TMEM164: variants seen among roughly 807,000 people sequenced by gnomAD.
The protein encoded by TMEM164 is transmembrane protein 164.
TMEM164 carries 4 observed loss-of-function variants against 18.8 expected under a neutral mutation model. The observed-to-expected ratio is 0.21, with a 90% CI of 0.10 to 0.49. TMEM164 has a LOEUF of 0.49. TMEM164 is among the 20% of genes least tolerant of loss of function. The pLI, the probability that TMEM164 is intolerant of heterozygous loss-of-function variation, is 0.98. For missense variants in TMEM164, 108 were observed against 239.9 expected (o/e 0.45, Z 3.63); for synonymous variants, 86 against 101.7 (o/e 0.85, Z 0.93).
chrX:110,117,712 A>G (rs1470910153), intron 4 of TMEM164, among the ~76,000 whole-genome samples: 1 of 112,453 alleles, frequency 8.9e-6, no homozygotes, highest in Non-Finnish European at 1.9e-5. Flanking sequence ...TTGAAAAGTA[A>G]CTCAGAGGAC....
chrX:110,137,478 C>T (rs1217384932), intron 4 of TMEM164, among the ~76,000 whole-genome samples: 1 of 112,241 alleles, frequency 8.9e-6, no homozygotes, highest in African/African-American at 3.2e-5. Flanking sequence ...CCCATCCTCT[C>T]TTCTCTCGCT....
At chrX:110,007,246 AT>A (rs766881986) in intron 2 of TMEM164, among the ~76,000 whole-genome samples, 2 of 112,190 alleles carry the variant, frequency 1.8e-5, no homozygotes, top group Non-Finnish European at 3.8e-5. Context: ...TTATTGATTA[AT>A]ATTCGTCCTG....
At chrX:110,115,442 T>C (rs994455261) in intron 4 of TMEM164, among the ~76,000 whole-genome samples, 1 of 112,142 alleles carries the variant, frequency 8.9e-6, no homozygotes, top group Non-Finnish European at 1.9e-5. Flanking sequence ...AGTATGTTTC[T>C]GATCAGATGA....
chrX:110,166,193 A>T (rs2067156800), intron 5 of TMEM164, among the ~76,000 whole-genome samples: 1 of 111,031 alleles, frequency 9.0e-6, no homozygotes, highest in Non-Finnish European at 1.9e-5. Flanking sequence ...TCAGGCTATA[A>T]CCTCTCCTTC....
intron 3 of TMEM164, among the ~76,000 whole-genome samples, chrX:110,106,904 C>T (rs1322757591): frequency 8.9e-6 from 1 of 112,241 alleles, no homozygotes; most frequent in Non-Finnish European, 1.9e-5. Context: ...TTGAATGACA[C>T]TGCTGAAAAA....
At chrX:110,121,957 G>A (rs1056849389) in intron 4 of TMEM164, among the ~76,000 whole-genome samples, 1 of 111,976 alleles carries the variant, frequency 8.9e-6, no homozygotes, top group Admixed American at 9.5e-5. Context: ...ATTTTGGAAT[G>A]CTGCACTTTG....
intron 3 of TMEM164, among the ~76,000 whole-genome samples, chrX:110,096,163 G>A (rs770766639): frequency 3.6e-5 from 4 of 112,396 alleles, no homozygotes; most frequent in East Asian, 5.6e-4. Context: ...CAGTCTGTCC[G>A]TTCTCAGATC....
At chrX:110,090,156 C>T (rs1001334461) in intron 3 of TMEM164, among the ~76,000 whole-genome samples, 2 of 110,937 alleles carry the variant, frequency 1.8e-5, no homozygotes, top group Non-Finnish European at 1.9e-5. Context: ...TGTGGTTGTG[C>T]GGCCCCATTT....
chrX:110,178,095 G>A (rs1362019327), downstream of TMEM164, among the ~76,000 whole-genome samples: 2 of 112,368 alleles, frequency 1.8e-5, no homozygotes, highest in African/African-American at 6.5e-5. Flanking sequence ...AGCTGGAGAA[G>A]GCAAACACAT....
chrX:110,053,644 CT>C (rs2147813816), intron 2 of TMEM164, among the ~76,000 whole-genome samples: 1 of 111,965 alleles, frequency 8.9e-6, no homozygotes, highest in African/African-American at 3.2e-5. Context: ...ACAATTGGTC[CT>C]CTTGCTTCAG....
chrX:110,045,999 ACT>A (rs751456307), intron 2 of TMEM164: 2 of 734,755 alleles, frequency 2.7e-6, no homozygotes, highest in Non-Finnish European at 3.2e-6. Flanking sequence ...CTTGAATGAG[ACT>A]CTGTTTTCCC....
intron 3 of TMEM164, among the ~76,000 whole-genome samples, chrX:110,094,564 G>C (rs978866483): frequency 9.0e-6 from 1 of 111,417 alleles, no homozygotes; most frequent in Non-Finnish European, 1.9e-5. Context: ...TTTTGATCCT[G>C]TGTCTGTCTC....
chrX:110,047,772 T>G lies in TMEM164; in HGVS notation c.391-19575T>G, dbSNP rs760818593. Among the ~76,000 whole-genome samples, 16 of 112,157 alleles carry G rather than the reference T, an allele frequency of 1.4e-4. No individual in the cohort carries two copies. The South Asian group carries it at 5.9e-3, about 41-fold the overall frequency. On this transcript the variant is annotated intron_variant, in intron 2 of 6. Transcript: ENST00000372068. ...GTCTATTTAGAATTCAGATTGCATT[T>G]TCCCAAGGACACAATATTCTTCTTG... is the stretch of plus-strand genomic sequence containing the variant.
intron 2 of TMEM164, among the ~76,000 whole-genome samples, chrX:110,017,850 T>C (rs193008206): frequency 1.1e-3 from 116 of 109,565 alleles, no homozygotes; most frequent in Non-Finnish European, 1.9e-3. Flanking sequence ...ATTACAGGCG[T>C]GAGCCACTGC....
chrX:110,020,717 C>G (rs1269468085), intron 2 of TMEM164: 1 of 744,930 alleles, frequency 1.3e-6, no homozygotes, highest in African/African-American at 2.3e-5. Flanking sequence ...ACCCCACCCA[C>G]TTTAAAATAT....
chrX:110,090,594 C>T (rs111795388), intron 3 of TMEM164, among the ~76,000 whole-genome samples: 7 of 111,769 alleles, frequency 6.3e-5, no homozygotes, highest in Admixed American at 4.8e-4. Flanking sequence ...GGATTACAGG[C>T]GTGAGCCACT....
intron 2 of TMEM164, among the ~76,000 whole-genome samples, chrX:110,049,381 G>T (rs896597747): frequency 1.8e-5 from 2 of 110,336 alleles, no homozygotes; most frequent in Non-Finnish European, 1.9e-5. Flanking sequence ...GAGGTGGGGG[G>T]TGGGGGAGGA....
intron 3 of TMEM164, among the ~76,000 whole-genome samples, chrX:110,108,330 G>C (rs1264009491): frequency 3.6e-5 from 4 of 110,971 alleles, no homozygotes; most frequent in African/African-American, 1.3e-4. Flanking sequence ...CTCACAAGCA[G>C]GGTTTGTTCC....
intron 3 of TMEM164, among the ~76,000 whole-genome samples, chrX:110,072,011 T>G (rs748659906): frequency 8.1e-5 from 9 of 110,597 alleles, no homozygotes; most frequent in African/African-American, 3.0e-4. Flanking sequence ...TTAGAAATTA[T>G]GTATCCTGGC....
Sources: gnomAD v4.1 joint callset for allele counts (sites outside exome capture counted in the v4.1 genomes callset) on GRCh38, gnomAD v4.1.1 for gene constraint, MANE v1.5 for transcripts, NCBI Gene and HGNC (gene_info 2026-07-23, HGNC 2026-07-21) for gene names.